PDZD2: variants seen among roughly 807,000 people sequenced by gnomAD.
PDZD2 encodes PDZ domain containing 2.
A neutral mutation model predicts 220.7 loss-of-function variants in PDZD2; 90 were observed. That is an observed-to-expected ratio of 0.41 (90% CI 0.34 to 0.49). The LOEUF (loss-of-function observed/expected upper bound fraction) is 0.49. PDZD2 is among the 20% of genes least tolerant of loss of function. The probability of loss-of-function intolerance (pLI) is 0.28; values close to 1 mark genes in which losing one functional copy is unlikely to be tolerated. For synonymous variants in PDZD2, 1,375 were observed against 1,450.5 expected, an observed-to-expected ratio of 0.95 and a Z score of 1.18; for missense variants, 3,174 against 3,608.5, an observed-to-expected ratio of 0.88 and a Z score of 3.08.
At chr5:31,971,985 G>A (rs1264454212) in intron 2 of PDZD2, among the ~76,000 whole-genome samples, 1 of 152,144 alleles carries the variant, frequency 6.6e-6, no homozygotes, top group Non-Finnish European at 1.5e-5. Context: ...CTTCTCCCAG[G>A]TAGCTGCACG....
chr5:31,921,529 CAA>C (rs376475789), intron 2 of PDZD2, among the ~76,000 whole-genome samples: 1 of 146,078 alleles, frequency 6.8e-6, no homozygotes, highest in Admixed American at 6.8e-5. Flanking sequence ...TCCAAAAATA[CAA>C]AAAAAAAAAT....
Position 32,098,783 on chromosome 5 carries a change from C to A in PDZD2, c.8218+149C>A. On this transcript the variant is annotated intron_variant, in intron 23 of 24. Transcript: ENST00000438447. The surrounding 1 kb of genome is among the most constrained non-coding windows in gnomAD (Gnocchi z 4.1). ...GTCTAGTGTGTTTGGATGCTGCTTA[C>A]AAAAGCAGTGTTACAAATAAATTAG... 1 of 723,910 alleles carries A rather than the reference C, an allele frequency of 1.4e-6. No individual in the cohort carries two copies. Among genetic ancestry groups the A allele is most frequent in the Non-Finnish European group, 2.2e-6 (1 of 452,444 alleles). 44.8% of individuals were successfully genotyped at this position (723,910 alleles called of 1,614,324 possible).
chr5:31,876,040 G>A (rs926029378), intron 2 of PDZD2, among the ~76,000 whole-genome samples: 18 of 152,002 alleles, frequency 1.2e-4, no homozygotes, highest in Admixed American at 1.0e-3. Context: ...GTTATTAATT[G>A]GGAAATATTG....
intron 2 of PDZD2, among the ~76,000 whole-genome samples, chr5:31,961,616 T>G (rs138267256): frequency 2.0e-5 from 3 of 152,288 alleles, no homozygotes; most frequent in African/African-American, 7.2e-5. Flanking sequence ...TCACTTTTCT[T>G]ATTTGTTCTT....
In PDZD2 at chr5:32,000,414, A is replaced by ATATAG; in HGVS notation, c.1254+143_1254+144insTATAG. 1 of 831,276 alleles carries ATATAG rather than the reference A, an allele frequency of 1.2e-6. No homozygotes were observed. Among genetic ancestry groups the ATATAG allele is most frequent in the Non-Finnish European group, 2.0e-6 (1 of 491,618 alleles). 51.5% of individuals were successfully genotyped at this position (831,276 alleles called of 1,614,324 possible). A position where few individuals can be genotyped will look rare whatever the true frequency, so the allele number is the denominator to read the frequency against. ...GGGCTATTGAAACAGCCTTGCTTCC[A>ATATAG]CAGGGCAACGCTATATGGAGACCCT... On this transcript the variant is annotated intron_variant, in intron 5 of 24. Coordinates refer to ENST00000438447, the MANE Select transcript of PDZD2 (RefSeq NM_178140.4). This position sits in a 1 kb window ranked among gnomAD's most constrained non-coding sequence, Gnocchi z 4.5.
At chr5:31,788,958 C>G (rs1167900669) in intron 1 of PDZD2, among the ~76,000 whole-genome samples, 2 of 152,160 alleles carry the variant, frequency 1.3e-5, no homozygotes, top group Non-Finnish European at 2.9e-5. Context: ...AGTTGAAGGA[C>G]TCAGGATTAT....
In PDZD2 at chr5:32,089,313, G is replaced by T. The variant is rs1472654634; in HGVS notation, c.5865G>T (p.Gln1955His). Reference protein sequence around the residue: ...RNTTAAPRSPQCVLESKPPLA... With the variant: ...RNTTAAPRSPHCVLESKPPLA... The stretch of plus-strand genomic sequence containing the variant: ...CCACAGCTGCCCCCAGGTCCCCCCA[G>T]TGTGTGCTGGAAAGCAAGCCACCTC... Residue 1955 changes from glutamine to histidine, a missense_variant, in exon 20 of 25, where the codon CAG becomes CAT. Transcript: ENST00000438447. The T allele has an allele frequency of 4.3e-6, 7 of 1,614,126 alleles. No individual in the cohort carries two copies. Among genetic ancestry groups the T allele is most frequent in the Non-Finnish European group, 5.9e-6 (7 of 1,180,026 alleles).
chr5:31,917,383 A>T (rs1265688234), intron 2 of PDZD2, among the ~76,000 whole-genome samples: 3 of 152,028 alleles, frequency 2.0e-5, no homozygotes, highest in African/African-American at 7.2e-5. Context: ...AAAATACAGA[A>T]CTTACCCTGC....
At chr5:31,828,827 C>A (rs945074872) in intron 2 of PDZD2, among the ~76,000 whole-genome samples, 17 of 152,178 alleles carry the variant, frequency 1.1e-4, no homozygotes, top group African/African-American at 3.9e-4. Flanking sequence ...ATTCTTTACC[C>A]ACTTTTACAT....
At chr5:31,655,457 C>G (rs1308105431) in intron 1 of PDZD2, among the ~76,000 whole-genome samples, 1 of 152,186 alleles carries the variant, frequency 6.6e-6, no homozygotes, top group African/African-American at 2.4e-5. Context: ...AGGCACGAGC[C>G]ACTGCGCCCG....
intron 1 of PDZD2, among the ~76,000 whole-genome samples, chr5:31,748,543 G>A (rs1735036266): frequency 1.3e-5 from 2 of 152,216 alleles, no homozygotes; most frequent in Admixed American, 6.5e-5. Flanking sequence ...GGCAGGATGG[G>A]TCTTTCTGAC....
chr5:31,685,520 T>C (rs1746820094), intron 1 of PDZD2, among the ~76,000 whole-genome samples: 1 of 152,112 alleles, frequency 6.6e-6, no homozygotes, highest in Non-Finnish European at 1.5e-5. Context: ...CCTTCGCATT[T>C]ATTTTATTAT....
chr5:32,003,149 A>ACGC (rs1752422964), intron 5 of PDZD2, among the ~76,000 whole-genome samples: 1 of 14,734 alleles, frequency 6.8e-5, no homozygotes, highest in Non-Finnish European at 8.8e-4. Flanking sequence ...CACACACCAC[A>ACGC]CACCACCAAC....
rs986074421 is a variant in PDZD2, at chr5:32,110,228, T to G, written c.*2093T>G. On this transcript the variant is annotated 3_prime_UTR_variant, in exon 25 of 25. Transcript: ENST00000438447. ...TATGTGAACAGACAGGAATTTCTTGTGCAATGTGGAGCAAATGGAATGGTC... is the reference window on the plus strand; with the variant it reads ...TATGTGAACAGACAGGAATTTCTTGGGCAATGTGGAGCAAATGGAATGGTC... 3 of 152,710 alleles carry G rather than the reference T, an allele frequency of 2.0e-5. No homozygotes were observed. The highest frequency in any genetic ancestry group is 4.4e-5 in the Non-Finnish European group (3 of 68,048). The allele number at this position is 152,710 out of a possible 1,614,324, so 9.5% of individuals were successfully genotyped here.
In PDZD2 at chr5:31,975,793, C is replaced by CTTTTTTTTTTTTTT. The variant is rs879288343; in HGVS notation, c.477-7353_477-7352insTTTTTTTTTTTTTT. Among the ~76,000 whole-genome samples the CTTTTTTTTTTTTTT allele has an allele frequency of 2.7e-4, 15 of 55,184 alleles. 5 individuals are homozygous for CTTTTTTTTTTTTTT. The highest frequency in any genetic ancestry group is 4.2e-4 in the African/African-American group (5 of 11,806). 36.2% of individuals were successfully genotyped at this position (55,184 alleles called of 152,430 possible). A position where few individuals can be genotyped will look rare whatever the true frequency, so the allele number is the denominator to read the frequency against. On this transcript the variant is annotated intron_variant, in intron 2 of 24. Coordinates refer to ENST00000438447, the MANE Select transcript of PDZD2 (RefSeq NM_178140.4). ...ATGAGCACACTGAAGGTATCAGTCA[C>CTTTTTTTTTTTTTT]TTTTTTTTTATTTATTTTTTTTTTT...
chr5:32,040,548 G>C (rs1439293066), intron 7 of PDZD2, among the ~76,000 whole-genome samples: 6 of 145,790 alleles, frequency 4.1e-5, no homozygotes, highest in African/African-American at 1.3e-4. Flanking sequence ...CCTCTGCCCG[G>C]CTGCCCCGTC....
At position 31,835,117 on chromosome 5, in the gene PDZD2, A is replaced by C. The variant is rs143908038; in HGVS notation, c.476+35393A>C. 4.2e-3 allele frequency among the ~76,000 whole-genome samples: 636 copies of C among 152,270 alleles called. 2 individuals carry two copies. The highest frequency in any genetic ancestry group is 0.013 in the African/African-American group (541 of 41,560). The stretch of plus-strand genomic sequence containing the variant: ...CTCTTAGATGATTTTGAGGCAAAGA[A>C]AAAACATTCTGTATGTTAGAGGAAG... On this transcript the variant is annotated intron_variant, in intron 2 of 24. Coordinates refer to ENST00000438447, the MANE Select transcript of PDZD2 (RefSeq NM_178140.4).
chr5:31,898,366 G>A (rs1741765092), intron 2 of PDZD2, among the ~76,000 whole-genome samples: 1 of 152,246 alleles, frequency 6.6e-6, no homozygotes, highest in Admixed American at 6.5e-5. Flanking sequence ...CCAGCCAGTT[G>A]CCAGGGACGG....
intron 2 of PDZD2, among the ~76,000 whole-genome samples, chr5:31,867,767 C>T (rs193023684): frequency 1.8e-3 from 277 of 152,148 alleles, no homozygotes; most frequent in African/African-American, 6.1e-3. Context: ...CTGAGTGTTC[C>T]GCCCTCCACG....
Sources: allele counts gnomAD v4.1 joint callset (sites outside exome capture counted in the v4.1 genomes callset), GRCh38; gene constraint gnomAD v4.1.1; non-coding constraint Gnocchi (gnomAD v3.1); transcripts MANE v1.5; gene names NCBI Gene and HGNC (gene_info 2026-07-23, HGNC 2026-07-21).